Variants in ICA1 observed in about 807,000 individuals in gnomAD.
The protein encoded by ICA1 is 69 kDa islet cell autoantigen.
In ICA1, 40 loss-of-function variants were observed where a neutral mutation model predicts 71.0. That is an observed-to-expected ratio of 0.56 (90% CI 0.44 to 0.73). The LOEUF (loss-of-function observed/expected upper bound fraction) is 0.73, where lower values mean the gene tolerates loss of function less well. Among genes scored for constraint, ICA1 ranks in the 30% least tolerant of loss-of-function variants. ICA1 has a pLI of 0.00. For synonymous variants in ICA1, 207 were observed against 209.5 expected, an observed-to-expected ratio of 0.99 and a Z score of 0.10; for missense variants, 578 against 576.5, an observed-to-expected ratio of 1.00 and a Z score of -0.03.
intron 1 of ICA1, among the ~76,000 whole-genome samples, chr7:8,246,314 T>C (rs140966718): frequency 3.2e-4 from 49 of 152,292 alleles, no homozygotes; most frequent in African/African-American, 1.1e-3. Flanking sequence ...TAAGATCTGC[T>C]CAAAGAAGCA....
chr7:8,191,903 A>G (rs931178262), intron 6 of ICA1, among the ~76,000 whole-genome samples: 1 of 152,140 alleles, frequency 6.6e-6, no homozygotes, highest in Non-Finnish European at 1.5e-5. Context: ...AAAAGTTGCA[A>G]GAATTCTTTG....
At chr7:8,142,207 T>G (rs1795480860) in intron 9 of ICA1, among the ~76,000 whole-genome samples, 2 of 152,234 alleles carry the variant, frequency 1.3e-5, no homozygotes, top group Non-Finnish European at 2.9e-5. Context: ...CTCCAGAGGT[T>G]AGCTCGGCTA....
rs776642035 is a variant in ICA1, at chr7:8,139,033, T to C, written c.970A>G (p.Ser324Gly). ...CCTTTGTCTAAGGCAGATAAAATAC[T>C]TTTTCCATCTTCAGCTGTAATATAA... ...SSSFKTEDGK[S>G]ILSALDKGST... The change falls in exon 11 of 14, where the codon AGT (serine) becomes GGT (glycine). Residue 324 changes from serine to glycine, a missense_variant. Ser to Gly is a moderately conservative substitution (Grantham distance 56, BLOSUM62 0). Transcript: ENST00000402384. 1 of 1,613,076 alleles carries C rather than the reference T, an allele frequency of 6.2e-7. No individual in the cohort carries two copies. The highest frequency in any genetic ancestry group is 8.5e-7 in the Non-Finnish European group (1 of 1,179,180).
At chr7:8,202,767 G>T (rs918834269) in intron 6 of ICA1, among the ~76,000 whole-genome samples, 1 of 152,248 alleles carries the variant, frequency 6.6e-6, no homozygotes, top group Non-Finnish European at 1.5e-5. Context: ...ACAAACTGCA[G>T]AGTAAAATGA....
chr7:8,189,997 G>A (rs1785083172), intron 6 of ICA1, among the ~76,000 whole-genome samples: 1 of 152,226 alleles, frequency 6.6e-6, no homozygotes, highest in African/African-American at 2.4e-5. Flanking sequence ...TGGAGGGACG[G>A]GCTCAGGAGG....
intron 3 of ICA1, among the ~76,000 whole-genome samples, chr7:8,230,407 GT>G (rs780233178): frequency 8.5e-5 from 13 of 152,222 alleles, no homozygotes; most frequent in Non-Finnish European, 8.8e-5. Flanking sequence ...CATCAAAGAG[GT>G]TTTCACATCA....
Position 8,157,101 on chromosome 7 carries a change from C to T in ICA1, c.804+15G>A, listed in dbSNP as rs1266471042. Reference sequence around the variant, plus strand: ...TTTTCTCAAGATTTTCTAGTGGCCCCTCTAGCTTCCATACCTTTAAAGTAG... The same window carrying T: ...TTTTCTCAAGATTTTCTAGTGGCCCTTCTAGCTTCCATACCTTTAAAGTAG... On this transcript the variant is annotated intron_variant, in intron 8 of 13. Transcript: ENST00000402384. 2 of 1,614,182 alleles carry T rather than the reference C, an allele frequency of 1.2e-6. No homozygotes were observed. The highest frequency in any genetic ancestry group is 3.3e-5 in the Admixed American group (2 of 60,024).
At chr7:8,139,972 A>G (rs1036623640) in intron 10 of ICA1, among the ~76,000 whole-genome samples, 1 of 152,246 alleles carries the variant, frequency 6.6e-6, no homozygotes, top group African/African-American at 2.4e-5. Context: ...TATTCTGTGC[A>G]TATATAAAAC....
Position 8,238,444 on chromosome 7 carries a change from T to C in ICA1, c.-79-2439A>G, listed in dbSNP as rs557185036. Among the ~76,000 whole-genome samples the C allele has an allele frequency of 2.7e-3, 407 of 152,336 alleles. 2 individuals are homozygous for C. The highest frequency in any genetic ancestry group is 9.5e-3 in the African/African-American group (396 of 41,568). ...TTTGTATATTTTCTTTGGAGAAATG[T>C]CTATGCAGGTCTTTTGCCCATTTTT... On this transcript the variant is annotated intron_variant, in intron 1 of 13. Coordinates refer to ENST00000402384, the MANE Select transcript of ICA1 (RefSeq NM_001136020.3).
intron 8 of ICA1, among the ~76,000 whole-genome samples, chr7:8,149,277 T>G (rs984612529): frequency 2.0e-5 from 3 of 152,254 alleles, no homozygotes; most frequent in South Asian, 4.1e-4. Flanking sequence ...AAATTGCTCA[T>G]GAAAATTGCT....
intron 6 of ICA1, among the ~76,000 whole-genome samples, chr7:8,187,820 T>A (rs774168887): frequency 2.0e-5 from 3 of 152,238 alleles, no homozygotes; most frequent in Non-Finnish European, 4.4e-5. Flanking sequence ...TTGCACAGAT[T>A]TAGTATCATC....
intron 6 of ICA1, among the ~76,000 whole-genome samples, chr7:8,183,340 C>T (rs1395586744): frequency 6.6e-6 from 1 of 152,200 alleles, no homozygotes; most frequent in African/African-American, 2.4e-5. Context: ...ATTCTAACCC[C>T]CGTCTACAGA....
intron 10 of ICA1, 120 bp downstream of exon 10, chr7:8,141,645 C>T: frequency 1.6e-6 from 1 of 623,852 alleles, no homozygotes; most frequent in East Asian, 2.9e-5. Context: ...AGCAAATTAG[C>T]CTTTTCTCAG....
intron 13 of ICA1, 67 bp downstream of exon 13, chr7:8,127,806 G>A (rs1447587315): frequency 4.1e-6 from 6 of 1,464,784 alleles, no homozygotes; most frequent in South Asian, 4.1e-5. Flanking sequence ...GAAGAAATAT[G>A]CTTTTGGATT....
chr7:8,225,996 A>G (rs1476810055), intron 4 of ICA1, among the ~76,000 whole-genome samples: 3 of 152,202 alleles, frequency 2.0e-5, no homozygotes, highest in Non-Finnish European at 2.9e-5. Context: ...ATTATGTTCC[A>G]AAACTACTGA....
In ICA1 at chr7:8,144,929, C is replaced by A. The variant is rs1229802418; in HGVS notation, c.805-957G>T. On this transcript the variant is annotated intron_variant, in intron 8 of 13. Coordinates refer to ENST00000402384, the MANE Select transcript of ICA1 (RefSeq NM_001136020.3). This position sits in a 1 kb window ranked among gnomAD's most constrained non-coding sequence, Gnocchi z 4.5. ...TTGTCTGACACACATAGGAGGCAAT[C>A]AGGTTTCATGGCCAATTCTGATTGA... Among the ~76,000 whole-genome samples, 3 of 152,140 alleles carry A rather than the reference C, an allele frequency of 2.0e-5. 1 individual carries two copies. Among genetic ancestry groups the A allele is most frequent in the Non-Finnish European group, 4.4e-5 (3 of 68,032 alleles).
intron 13 of ICA1, among the ~76,000 whole-genome samples, chr7:8,124,111 ATTTTTTTTTTTTTT>A (rs536582712): frequency 1.9e-5 from 2 of 107,412 alleles, no homozygotes; most frequent in Non-Finnish European, 3.7e-5. Context: ...GAATCATACA[ATTTTTTTTTTTTTT>A]TTTTTTTTTT....
chr7:8,221,731 T>C (rs1420750622), intron 4 of ICA1, among the ~76,000 whole-genome samples: 1 of 152,188 alleles, frequency 6.6e-6, no homozygotes, highest in East Asian at 1.9e-4. Context: ...GTTTGTCAAG[T>C]ATGACTGTGG....
chr7:8,246,545 C>G (rs1227747863), intron 1 of ICA1, among the ~76,000 whole-genome samples: 1 of 152,178 alleles, frequency 6.6e-6, no homozygotes, highest in Non-Finnish European at 1.5e-5. Context: ...TTTAGATTTT[C>G]CTAGACTGCA....
Sources: gnomAD v4.1 joint callset for allele counts (sites outside exome capture counted in the v4.1 genomes callset) on GRCh38, gnomAD v4.1.1 for gene constraint, Gnocchi (gnomAD v3.1) non-coding constraint, MANE v1.5 for transcripts, NCBI Gene and HGNC (gene_info 2026-07-23, HGNC 2026-07-21) for gene names.